UMAD1: variants seen among roughly 807,000 people sequenced by gnomAD.
The protein encoded by UMAD1 is UBAP1-MVB12-associated (UMA) domain containing 1.
In UMAD1, 8 loss-of-function variants were observed where a neutral mutation model predicts 6.1. The ratio of observed to expected loss-of-function variants is 1.30; its 90% CI spans 0.76 to 2.35. The LOEUF is 2.35. UMAD1 is among the 30% of genes most tolerant of loss of function. The pLI, the probability that UMAD1 is intolerant of heterozygous loss-of-function variation, is 0.00. For missense variants in UMAD1, 130 were observed against 78.4 expected (o/e 1.66, Z -2.49); for synonymous variants, 56 against 31.4 (o/e 1.78, Z -2.61).
rs146449228 is a variant in UMAD1, at chr7:7,811,490, T to A, written c.156+9747T>A. On this transcript the variant is annotated intron_variant, in intron 3 of 3. Transcript: ENST00000682710. ...AATAGAAAGTGCACTTTTGTTGGACTCCTTAGCTCACTAAGTATGATCTAG... is the reference window on the plus strand; with the variant it reads ...AATAGAAAGTGCACTTTTGTTGGACACCTTAGCTCACTAAGTATGATCTAG... Among the ~76,000 whole-genome samples the A allele has an allele frequency of 2.5e-3, 386 of 152,316 alleles. 3 individuals are homozygous for A. Among genetic ancestry groups the A allele is most frequent in the African/African-American group, 8.9e-3 (369 of 41,576 alleles).
intron 2 of UMAD1, among the ~76,000 whole-genome samples, chr7:7,727,892 A>G (rs1781171022): frequency 6.6e-6 from 1 of 151,876 alleles, no homozygotes; most frequent in African/African-American, 2.4e-5. Flanking sequence ...TTTATATATG[A>G]TTGTGTGATT....
chr7:7,838,848 T>A (rs905854616), intron 3 of UMAD1, among the ~76,000 whole-genome samples: 2 of 152,096 alleles, frequency 1.3e-5, no homozygotes, highest in Admixed American at 6.6e-5. Flanking sequence ...GAAGAATAAA[T>A]ACAATTATGA....
At chr7:7,763,948 G>A (rs369485342) in intron 2 of UMAD1, among the ~76,000 whole-genome samples, 4 of 152,096 alleles carry the variant, frequency 2.6e-5, no homozygotes, top group African/African-American at 9.7e-5. Context: ...TAGTAAATTG[G>A]GAAGCATCTC....
chr7:7,650,221 C>T (rs1785193163), intron 1 of UMAD1, among the ~76,000 whole-genome samples: 1 of 152,148 alleles, frequency 6.6e-6, no homozygotes, highest in Admixed American at 6.5e-5. Context: ...TGTAACTCTG[C>T]CTAGACATTA....
At chr7:7,871,245 T>C (rs1323259844) in intron 3 of UMAD1, among the ~76,000 whole-genome samples, 1 of 152,246 alleles carries the variant, frequency 6.6e-6, no homozygotes, top group Non-Finnish European at 1.5e-5. Flanking sequence ...TTTTTCTTCC[T>C]AAATTAAGCC....
intron 2 of UMAD1, among the ~76,000 whole-genome samples, chr7:7,710,799 C>G (rs1482807492): frequency 3.9e-5 from 6 of 152,250 alleles, no homozygotes; most frequent in African/African-American, 1.4e-4. Flanking sequence ...AAATATCCTT[C>G]AACAGGTGAA....
intron 2 of UMAD1, among the ~76,000 whole-genome samples, chr7:7,743,691 TGTATA>T (rs1563171722): frequency 2.2e-4 from 8 of 36,052 alleles, no homozygotes; most frequent in African/African-American, 1.5e-3. Flanking sequence ...TATGTGTATA[TGTATA>T]TGTATAATAT....
At chr7:7,763,775 G>T (rs1781936988) in intron 2 of UMAD1, among the ~76,000 whole-genome samples, 1 of 151,988 alleles carries the variant, frequency 6.6e-6, no homozygotes, top group Non-Finnish European at 1.5e-5. Context: ...AAACAGTTCA[G>T]GTTTACTTGA....
At position 7,737,292 on chromosome 7, in the gene UMAD1, G is replaced by A. The variant is rs1186150857; in HGVS notation, c.82+63839G>A. Among the ~76,000 whole-genome samples, 5 of 152,276 alleles carry A rather than the reference G, an allele frequency of 3.3e-5. No homozygotes were observed. In the East Asian group the frequency reaches 9.6e-4, roughly 29 times the overall value. ...TTCTCAGCCGTGAAACAAGGATGAT[G>A]ACATGGACTCAGTAGGGCTGTTGTG... On this transcript the variant is annotated intron_variant, in intron 2 of 3. Transcript: ENST00000682710.
In UMAD1 at chr7:7,842,609, C is replaced by A. The variant is rs540766475; in HGVS notation, c.157-34672C>A. ...AAATGTGGCAAGGCAAATTAAGTTA[C>A]CTTTTTTTAAAAAAAAAAAAAACTA... On this transcript the variant is annotated intron_variant, in intron 3 of 3. Coordinates refer to ENST00000682710, the MANE Select transcript of UMAD1 (RefSeq NM_001302348.2). Among the ~76,000 whole-genome samples the A allele has an allele frequency of 5.4e-5, 8 of 149,194 alleles. No homozygotes were observed. In the South Asian group the frequency reaches 6.5e-4, roughly 12 times the overall value.
At chr7:7,788,561 G>A (rs906072243) in intron 2 of UMAD1, among the ~76,000 whole-genome samples, 6 of 152,078 alleles carry the variant, frequency 3.9e-5, no homozygotes, top group Non-Finnish European at 8.8e-5. Flanking sequence ...TTTTCAAGCT[G>A]TTAGATTAGG....
At chr7:7,645,834 C>G (rs1216613828) in intron 1 of UMAD1, among the ~76,000 whole-genome samples, 1 of 143,836 alleles carries the variant, frequency 7.0e-6, no homozygotes, top group Non-Finnish European at 1.5e-5. Flanking sequence ...TTTTTTTAAT[C>G]TATGTTCATG....
chr7:7,839,516 T>C, intron 3 of UMAD1, among the ~76,000 whole-genome samples: 1 of 152,190 alleles, frequency 6.6e-6, no homozygotes, highest in Non-Finnish European at 1.5e-5. Flanking sequence ...CTTTTTACTC[T>C]TGCTGTACAC....
At chr7:7,662,181 G>T (rs571497279) in intron 1 of UMAD1, among the ~76,000 whole-genome samples, 1 of 152,260 alleles carries the variant, frequency 6.6e-6, no homozygotes, top group South Asian at 2.1e-4. Context: ...GAGTGTCCCA[G>T]GTCAGCTTCA....
intron 3 of UMAD1, among the ~76,000 whole-genome samples, chr7:7,812,974 C>G (rs779583483): frequency 2.6e-5 from 4 of 152,136 alleles, no homozygotes; most frequent in Non-Finnish European, 1.5e-5. Flanking sequence ...GGATAAATTT[C>G]ATCTGAATCT....
intron 3 of UMAD1, among the ~76,000 whole-genome samples, chr7:7,837,134 G>T (rs1484653810): frequency 6.6e-6 from 1 of 151,986 alleles, no homozygotes; most frequent in East Asian, 1.9e-4. Flanking sequence ...GTCAGTAACA[G>T]CACTGGATCC....
chr7:7,854,057 A>G (rs1176990697), intron 3 of UMAD1, among the ~76,000 whole-genome samples: 1 of 152,132 alleles, frequency 6.6e-6, no homozygotes. Context: ...TGGACAATTT[A>G]TAAAGAAAAG....
At chr7:7,648,615 C>T (rs1465607448) in intron 1 of UMAD1, among the ~76,000 whole-genome samples, 2 of 152,058 alleles carry the variant, frequency 1.3e-5, no homozygotes, top group African/African-American at 4.8e-5. Context: ...CTTTGGGAGG[C>T]CGAGGCAGGT....
chr7:7,706,629 C>T (rs550628956), intron 2 of UMAD1, among the ~76,000 whole-genome samples: 1 of 152,034 alleles, frequency 6.6e-6, no homozygotes, highest in African/African-American at 2.4e-5. Context: ...ATGAAGATAA[C>T]TAATAATAAC....
Sources: gnomAD v4.1 joint callset for allele counts (sites outside exome capture counted in the v4.1 genomes callset) on GRCh38, gnomAD v4.1.1 for gene constraint, MANE v1.5 for transcripts, NCBI Gene and HGNC (gene_info 2026-07-23, HGNC 2026-07-21) for gene names.